EPHB2: variants seen among roughly 807,000 people sequenced by gnomAD.
The protein encoded by EPHB2 is ephrin type-B receptor 2.
In EPHB2, 18 loss-of-function variants were observed where a neutral mutation model predicts 96.4. The observed-to-expected ratio is 0.19, with a 90% CI of 0.13 to 0.28. The LOEUF is 0.28. EPHB2 is among the 10% of genes least tolerant of loss of function. EPHB2 has a pLI of 1.00. For synonymous variants in EPHB2, 506 were observed against 534.1 expected (o/e 0.95, Z 0.72); for missense variants, 989 against 1,355.4 (o/e 0.73, Z 4.25).
At chr1:22,736,422 A>G (rs561755125) in intron 1 of EPHB2, among the ~76,000 whole-genome samples, 1 of 152,278 alleles carries the variant, frequency 6.6e-6, no homozygotes, top group East Asian at 1.9e-4. Context: ...CTGGACAAAG[A>G]GTTCCATGGG....
At chr1:22,859,296 G>GGC (rs1557717494) in intron 3 of EPHB2, among the ~76,000 whole-genome samples, 29 of 126,794 alleles carry the variant, frequency 2.3e-4, no homozygotes, top group African/African-American at 7.9e-4. Context: ...GGTGGGCCTG[G>GGC]TGGGGGGGGG....
intron 1 of EPHB2, among the ~76,000 whole-genome samples, chr1:22,766,337 T>C (rs948761487): frequency 6.6e-6 from 1 of 152,272 alleles, no homozygotes; most frequent in Non-Finnish European, 1.5e-5. Flanking sequence ...ACCTAGTAGG[T>C]ACTCAATAGC....
At chr1:22,815,272 G>A (rs1320893228) in intron 3 of EPHB2, among the ~76,000 whole-genome samples, 3 of 152,150 alleles carry the variant, frequency 2.0e-5, no homozygotes, top group Non-Finnish European at 2.9e-5. Context: ...GGGGGTGGTT[G>A]TGGGGGGTAC....
At chr1:22,853,899 G>T (rs1444772262) in intron 3 of EPHB2, among the ~76,000 whole-genome samples, 2 of 152,254 alleles carry the variant, frequency 1.3e-5, no homozygotes, top group African/African-American at 2.4e-5. Context: ...CGAGGCCTGG[G>T]TGCCCCCTTG....
chr1:22,751,808 G>A (rs1478760858), intron 1 of EPHB2, among the ~76,000 whole-genome samples: 7 of 152,192 alleles, frequency 4.6e-5, no homozygotes, highest in South Asian at 2.1e-4. Flanking sequence ...GAGTTGCCTC[G>A]CTGCAGGGCT....
intron 5 of EPHB2, among the ~76,000 whole-genome samples, chr1:22,868,227 C>T (rs148738308): frequency 6.6e-6 from 1 of 152,064 alleles, no homozygotes; most frequent in Non-Finnish European, 1.5e-5. Flanking sequence ...GGAGTATGGA[C>T]GTGAGGGGTT....
chr1:22,815,097 A>C (rs556622034), intron 3 of EPHB2, among the ~76,000 whole-genome samples: 1 of 152,312 alleles, frequency 6.6e-6, no homozygotes, highest in South Asian at 2.1e-4. Context: ...GTTTAAATCC[A>C]GTTCCCAGGA....
intron 1 of EPHB2, among the ~76,000 whole-genome samples, chr1:22,712,206 T>TGAAC (rs1285896898): frequency 6.6e-6 from 1 of 152,154 alleles, no homozygotes; most frequent in Non-Finnish European, 1.5e-5. Context: ...GATTCCTACT[T>TGAAC]CTCTTGAACA....
chr1:22,899,211 A>T (rs77888179), intron 9 of EPHB2, among the ~76,000 whole-genome samples: 9 of 122,566 alleles, frequency 7.3e-5, no homozygotes, highest in African/African-American at 2.8e-4. Flanking sequence ...AAAAAAAAAA[A>T]TAGTTTGGGG....
rs540492895 is a variant in EPHB2 at position 22,895,424 on chromosome 1, C to T, written c.1592-48C>T. ...CAGGGGGTAGGGGACAAGGGTATTA[C>T]GACTCCCACAGCCAGGCTGAGAATG... On this transcript the variant is annotated intron_variant, in intron 7 of 15. Transcript: ENST00000374630. The T allele has an allele frequency of 2.3e-5, 36 of 1,579,846 alleles. No homozygotes were observed. The East Asian group carries it at 4.5e-4, about 20-fold the overall frequency.
chr1:22,813,943 G>A (rs1049011932), intron 3 of EPHB2, among the ~76,000 whole-genome samples: 1 of 152,172 alleles, frequency 6.6e-6, no homozygotes, highest in African/African-American at 2.4e-5. Context: ...GGGAGGCTGA[G>A]GTGAGCAGAT....
intron 1 of EPHB2, among the ~76,000 whole-genome samples, chr1:22,724,661 C>T (rs1487265837): frequency 6.6e-6 from 1 of 152,212 alleles, no homozygotes; most frequent in East Asian, 1.9e-4. Flanking sequence ...CACTTTTCTC[C>T]CCCTCCTGGG....
At position 22,765,874 on chromosome 1, in the gene EPHB2, G is replaced by A. The variant is rs574497040; in HGVS notation, c.62-15547G>A. Among the ~76,000 whole-genome samples, 369 of 152,248 alleles carry A rather than the reference G, an allele frequency of 2.4e-3. 2 individuals are homozygous for A. The highest frequency in any genetic ancestry group is 8.3e-3 in the African/African-American group (345 of 41,540). On this transcript the variant is annotated intron_variant, in intron 1 of 15. Transcript: ENST00000374630. Reference sequence around the variant, plus strand: ...TGGGAACCCGCCACTGGCCAGTTCTGCTCCCTGGGGTGGGGGCAGAGGGGA... The same window carrying A: ...TGGGAACCCGCCACTGGCCAGTTCTACTCCCTGGGGTGGGGGCAGAGGGGA...
chr1:22,725,065 C>T (rs192243258), intron 1 of EPHB2, among the ~76,000 whole-genome samples: 1 of 152,290 alleles, frequency 6.6e-6, no homozygotes, highest in East Asian at 1.9e-4. Flanking sequence ...TCCTTGGTGT[C>T]ACCTTGCACG....
intron 1 of EPHB2, among the ~76,000 whole-genome samples, chr1:22,742,685 T>G (rs1371147133): frequency 1.3e-5 from 2 of 151,670 alleles, no homozygotes; most frequent in Non-Finnish European, 2.9e-5. Context: ...TTTTTATTTT[T>G]TGTAGAGGGG....
chr1:22,769,731 G>A (rs1336219824), intron 1 of EPHB2, among the ~76,000 whole-genome samples: 2 of 152,202 alleles, frequency 1.3e-5, no homozygotes, highest in Non-Finnish European at 1.5e-5. Context: ...CTCAGCATGG[G>A]CCTGACACAT....
chr1:22,905,384 G>A (rs1409293703), intron 9 of EPHB2, among the ~76,000 whole-genome samples: 1 of 152,146 alleles, frequency 6.6e-6, no homozygotes, highest in Non-Finnish European at 1.5e-5. Flanking sequence ...AGCAGCTGTG[G>A]ACACTCAGTC....
In EPHB2 at chr1:22,858,626, G is replaced by T. The variant is rs1645741478; in HGVS notation, c.812-4411G>T. Among the ~76,000 whole-genome samples the T allele has an allele frequency of 6.6e-6, 1 of 152,310 alleles. No homozygotes were observed. Among genetic ancestry groups the T allele is most frequent in the Admixed American group, 6.5e-5 (1 of 15,302 alleles). On this transcript the variant is annotated intron_variant, in intron 3 of 15. Coordinates refer to ENST00000374630, the MANE Select transcript of EPHB2 (RefSeq NM_017449.5). This position sits in a 1 kb window ranked among gnomAD's most constrained non-coding sequence, Gnocchi z 7.7. ...GCACGTGACATGCAGGTGCCAGCAG[G>T]ACAGGTTCCCTTCCCACCCAGAAGT...
rs1428534738 is a variant in EPHB2, at chr1:22,875,382, G to A, written c.1304-6977G>A. Reference sequence around the variant, plus strand: ...AGCGCAGTGACAAGCAATTGTCATGGAACTGTTAGCTAGCTGGTGGCAAGA... The same window carrying A: ...AGCGCAGTGACAAGCAATTGTCATGAAACTGTTAGCTAGCTGGTGGCAAGA... On this transcript the variant is annotated intron_variant, in intron 5 of 15. Transcript: ENST00000374630. The surrounding 1 kb of genome is among the most constrained non-coding windows in gnomAD (Gnocchi z 4.2). 1.3e-5 allele frequency among the ~76,000 whole-genome samples: 2 copies of A among 152,180 alleles called. No individual in the cohort carries two copies. Among genetic ancestry groups the A allele is most frequent in the East Asian group, 1.9e-4 (1 of 5,190 alleles).
Sources: allele counts gnomAD v4.1 joint callset (sites outside exome capture counted in the v4.1 genomes callset), GRCh38; gene constraint gnomAD v4.1.1; non-coding constraint Gnocchi (gnomAD v3.1); transcripts MANE v1.5; gene names NCBI Gene and HGNC (gene_info 2026-07-23, HGNC 2026-07-21).